PLA2G7: variants seen among roughly 807,000 people sequenced by gnomAD.
PLA2G7 encodes platelet-activating factor acetylhydrolase.
In PLA2G7, 63 loss-of-function variants were observed where a neutral mutation model predicts 49.6. That is an observed-to-expected ratio of 1.27 (90% CI 1.04 to 1.57). The LOEUF is 1.57. Among genes scored for constraint, PLA2G7 ranks in the 40% most tolerant of loss-of-function variants. The pLI is 0.00. For synonymous variants in PLA2G7, 193 were observed against 169.9 expected (o/e 1.14, Z -1.06); for missense variants, 596 against 521.2 (o/e 1.14, Z -1.40).
intron 1 of PLA2G7, among the ~76,000 whole-genome samples, chr6:46,732,260 C>T (rs1765756385): frequency 6.6e-6 from 1 of 152,124 alleles, no homozygotes; most frequent in South Asian, 2.1e-4. Flanking sequence ...TCTGCAGGGA[C>T]GTCTGCCCAT....
At chr6:46,720,055 C>T (rs1334066661) in intron 2 of PLA2G7, among the ~76,000 whole-genome samples, 3 of 152,158 alleles carry the variant, frequency 2.0e-5, no homozygotes, top group Non-Finnish European at 4.4e-5. Context: ...AGGAGGAGGA[C>T]CTTAAGGTAG....
chr6:46,726,469 G>C (rs1004771719), intron 1 of PLA2G7, among the ~76,000 whole-genome samples: 1 of 152,138 alleles, frequency 6.6e-6, no homozygotes, highest in African/African-American at 2.4e-5. Flanking sequence ...GAGTTAGCTA[G>C]AAATGTATTT....
intron 3 of PLA2G7, among the ~76,000 whole-genome samples, 166 bp from the exon 4 acceptor site, chr6:46,716,694 G>A (rs527379312): frequency 2.6e-5 from 4 of 152,290 alleles, no homozygotes; most frequent in African/African-American, 7.2e-5. Context: ...TCATGAAAGA[G>A]AAACAGAAAA....
intron 1 of PLA2G7, among the ~76,000 whole-genome samples, chr6:46,730,780 T>G (rs1365685158): frequency 1.3e-5 from 2 of 152,136 alleles, no homozygotes; most frequent in Non-Finnish European, 2.9e-5. Context: ...ACAAATAGAT[T>G]TCTGGCTTCA....
At chr6:46,716,845 T>A in intron 3 of PLA2G7, 130 bp downstream of exon 3, 1 of 933,382 alleles carries the variant, frequency 1.1e-6, no homozygotes, top group Non-Finnish European at 1.7e-6. Flanking sequence ...AGCCTTCATA[T>A]GAAACAATAC....
intron 11 of PLA2G7, 135 bp downstream of exon 11, chr6:46,705,018 T>C: frequency 1.4e-6 from 1 of 717,794 alleles, no homozygotes; most frequent in Non-Finnish European, 2.3e-6. Flanking sequence ...AAATTTCTGT[T>C]TTCAAATTGA....
intron 5 of PLA2G7, among the ~76,000 whole-genome samples, chr6:46,713,304 TG>T (rs967172695): frequency 6.6e-6 from 1 of 152,118 alleles, no homozygotes; most frequent in Admixed American, 6.5e-5. Context: ...GAGGGGGGAA[TG>T]ATATAGCACA....
intron 1 of PLA2G7, 23 bp from the exon 2 acceptor site, chr6:46,722,948 A>G: frequency 9.0e-6 from 9 of 1,000,830 alleles, no homozygotes; most frequent in Non-Finnish European, 1.4e-5. Flanking sequence ...TGATTAAAAG[A>G]AAAAAGAAGT....
chr6:46,705,456 A>G (rs1378480378), intron 10 of PLA2G7, among the ~76,000 whole-genome samples, 155 bp from the exon 11 acceptor site: 1 of 152,244 alleles, frequency 6.6e-6, no homozygotes, highest in Non-Finnish European at 1.5e-5. Flanking sequence ...ATGTGTTTCA[A>G]GGGTCACAGG....
intron 2 of PLA2G7, among the ~76,000 whole-genome samples, chr6:46,718,117 T>G (rs1016097909): frequency 1.3e-5 from 2 of 152,238 alleles, no homozygotes; most frequent in African/African-American, 4.8e-5. Flanking sequence ...TCACTGTCTC[T>G]TGACCAGACT....
chr6:46,716,975 CT>C lies in PLA2G7; in HGVS notation c.230del (p.Lys77ArgfsTer45). ...TAAGTTGTATAAATCAAAGCATTAC[CT>C]TATTAGTGTGATCAAACATTAAGTC... is the stretch of plus-strand genomic sequence containing the variant. ...CTDLMFDHTN[K>X]GTFLRLYYPS... On this transcript the variant is annotated frameshift_variant and splice_region_variant, in exon 3 of 12. Coordinates refer to ENST00000274793, the MANE Select transcript of PLA2G7 (RefSeq NM_005084.4). LOFTEE classifies it high-confidence loss of function. 6.2e-7 allele frequency: 1 copy of C among 1,613,210 alleles called. No homozygotes were observed. Among genetic ancestry groups the C allele is most frequent in the South Asian group, 1.1e-5 (1 of 91,062 alleles).
intron 11 of PLA2G7, 87 bp downstream of exon 11, chr6:46,705,066 G>A (rs908547539): frequency 1.0e-5 from 10 of 992,358 alleles, no homozygotes; most frequent in Non-Finnish European, 1.4e-5. Flanking sequence ...ACTGGAAATA[G>A]TTTAAATAGT....
intron 3 of PLA2G7, among the ~76,000 whole-genome samples, 200 bp downstream of exon 3, chr6:46,716,775 G>A (rs1765216422): frequency 6.6e-6 from 1 of 152,162 alleles, no homozygotes. Context: ...TGAAAAATAA[G>A]GTTTATAGAG....
chr6:46,730,942 C>T (rs1765717509), intron 1 of PLA2G7, among the ~76,000 whole-genome samples: 1 of 152,132 alleles, frequency 6.6e-6, no homozygotes, highest in Admixed American at 6.5e-5. Context: ...CCAGACTAGC[C>T]ACTTCAAGCT....
At chr6:46,718,647 T>C (rs1765292734) in intron 2 of PLA2G7, among the ~76,000 whole-genome samples, 2 of 152,252 alleles carry the variant, frequency 1.3e-5, no homozygotes, top group African/African-American at 4.8e-5. Flanking sequence ...CCATTCACAC[T>C]TTAATACCTT....
intron 2 of PLA2G7, among the ~76,000 whole-genome samples, chr6:46,721,334 CA>C (rs1765393697): frequency 6.6e-6 from 1 of 152,110 alleles, no homozygotes; most frequent in Non-Finnish European, 1.5e-5. Flanking sequence ...AGGCACGAGC[CA>C]CCATGCCCGG....
At chr6:46,713,536 G>A (rs1765102143) in intron 5 of PLA2G7, among the ~76,000 whole-genome samples, 1 of 152,216 alleles carries the variant, frequency 6.6e-6, no homozygotes, top group Admixed American at 6.5e-5. Flanking sequence ...AGTCACTAAT[G>A]TAGGAGAAAT....
chr6:46,723,873 A>T (rs1169951209), intron 1 of PLA2G7, among the ~76,000 whole-genome samples: 3 of 152,126 alleles, frequency 2.0e-5, no homozygotes, highest in Admixed American at 2.0e-4. Context: ...GCTTATAATG[A>T]TCTACATAAC....
intron 1 of PLA2G7, among the ~76,000 whole-genome samples, chr6:46,725,981 G>T (rs1562079397): frequency 6.6e-6 from 1 of 152,192 alleles, no homozygotes; most frequent in Non-Finnish European, 1.5e-5. Flanking sequence ...TTATGCATAG[G>T]TTCAACAAAG....
Sources: gnomAD v4.1 joint callset for allele counts (sites outside exome capture counted in the v4.1 genomes callset) on GRCh38, gnomAD v4.1.1 for gene constraint, MANE v1.5 for transcripts, NCBI Gene and HGNC (gene_info 2026-07-23, HGNC 2026-07-21) for gene names.